The following LEPR variants were observed in gnomAD, a reference collection of about 807,000 sequenced individuals.
LEPR encodes leptin receptor, also known as OB receptor.
Under a neutral mutation model 114.7 loss-of-function variants are expected in LEPR, and 56 were observed. The ratio of observed to expected loss-of-function variants is 0.49; its 90% CI spans 0.39 to 0.61. LEPR has a LOEUF of 0.61. LEPR is among the 20% of genes least tolerant of loss of function. The pLI is 0.00. For synonymous variants in LEPR, 443 were observed against 461.4 expected (o/e 0.96, Z 0.51); for missense variants, 1,202 against 1,352.9 (o/e 0.89, Z 1.75).
At chr1:65,602,519 C>T (rs1016584610) in intron 10 of LEPR, among the ~76,000 whole-genome samples, 8 of 151,978 alleles carry the variant, frequency 5.3e-5, no homozygotes, top group East Asian at 1.9e-4. Flanking sequence ...TTCAAGGCAT[C>T]GTCTTATAGT....
chr1:65,431,960 C>T lies in LEPR; in HGVS notation c.-21+6582C>T, dbSNP rs1024100528. On this transcript the variant is annotated intron_variant, in intron 2 of 19. Coordinates refer to ENST00000349533, the MANE Select transcript of LEPR (RefSeq NM_002303.6). ...ACAGTGCATTGAATTTCTTAGAACTCATACTATCTGTATACATGTGCACAT... is the reference window on the plus strand; with the variant it reads ...ACAGTGCATTGAATTTCTTAGAACTTATACTATCTGTATACATGTGCACAT... The T allele has an allele frequency of 3.7e-6, 6 of 1,600,828 alleles. No homozygotes were observed. In the African/African-American group the frequency reaches 8.1e-5, roughly 22 times the overall value.
intron 2 of LEPR, among the ~76,000 whole-genome samples, chr1:65,520,201 C>T (rs970885949): frequency 6.6e-6 from 1 of 152,088 alleles, no homozygotes; most frequent in East Asian, 1.9e-4. Flanking sequence ...TGCTATGATG[C>T]CCAGGCTGGT....
chr1:65,496,397 A>G (rs59968405), intron 2 of LEPR, among the ~76,000 whole-genome samples: 7,207 of 152,102 alleles, frequency 0.047, 552 homozygotes, highest in African/African-American at 0.16. Flanking sequence ...AGTTGGCGAA[A>G]CCCTGTCTCT....
chr1:65,451,560 T>G (rs1646785702), intron 2 of LEPR, among the ~76,000 whole-genome samples: 1 of 152,204 alleles, frequency 6.6e-6, no homozygotes, highest in Admixed American at 6.5e-5. Context: ...CTTGTTTTTC[T>G]CAGGTTTGTC....
intron 19 of LEPR, among the ~76,000 whole-genome samples, chr1:65,629,679 CTT>C (rs933516190): frequency 9.4e-5 from 14 of 149,158 alleles, no homozygotes; most frequent in Non-Finnish European, 1.6e-4. Context: ...CCCTCCCTCT[CTT>C]TCTTTCTTTT....
Position 65,425,317 on chromosome 1 carries a change from T to C in LEPR, c.-82T>C. On this transcript the variant is annotated 5_prime_UTR_variant, in exon 2 of 20. Coordinates refer to ENST00000349533, the MANE Select transcript of LEPR (RefSeq NM_002303.6). ...ATTTTTCACAGCTCTCGTGGCATTA[T>C]CCTTCAGTGGGGCTATTGGACTGAC... is the stretch of plus-strand genomic sequence containing the variant. The C allele has an allele frequency of 4.3e-6, 7 of 1,612,098 alleles. No individual in the cohort carries two copies. The highest frequency in any genetic ancestry group is 5.1e-6 in the Non-Finnish European group (6 of 1,179,498).
intron 2 of LEPR, among the ~76,000 whole-genome samples, chr1:65,444,306 C>G (rs1398090273): frequency 6.6e-6 from 1 of 152,154 alleles, no homozygotes; most frequent in Non-Finnish European, 1.5e-5. Context: ...CATCACAAGA[C>G]AGCCTTTGCT....
intron 2 of LEPR, among the ~76,000 whole-genome samples, chr1:65,485,663 A>G (rs1046452702): frequency 1.3e-5 from 2 of 152,094 alleles, no homozygotes; most frequent in Admixed American, 1.3e-4. Flanking sequence ...GTCTGCTACA[A>G]GTTGTGCCAT....
At chr1:65,584,266 T>G (rs1406324583) in intron 5 of LEPR, among the ~76,000 whole-genome samples, 1 of 152,076 alleles carries the variant, frequency 6.6e-6, no homozygotes, top group African/African-American at 2.4e-5. Context: ...ATCGTTCCTT[T>G]TGTTGAAGAA....
intron 18 of LEPR, among the ~76,000 whole-genome samples, 161 bp downstream of exon 18, chr1:65,621,619 A>G (rs569137219): frequency 1.3e-5 from 2 of 152,324 alleles, no homozygotes; most frequent in South Asian, 4.1e-4. Context: ...GCCTGTTGTG[A>G]GGAAATGGCA....
chr1:65,567,737 A>AT (rs1405129792), intron 3 of LEPR, among the ~76,000 whole-genome samples: 4 of 152,186 alleles, frequency 2.6e-5, no homozygotes, highest in Non-Finnish European at 5.9e-5. Flanking sequence ...ATTTTCTTAC[A>AT]TTTTTAAAAA....
At chr1:65,627,328 CATTTCT>C (rs1658278638) in intron 19 of LEPR, among the ~76,000 whole-genome samples, 1 of 152,134 alleles carries the variant, frequency 6.6e-6, no homozygotes, top group African/African-American at 2.4e-5. Flanking sequence ...TGTGAATAGG[CATTTCT>C]CCAAAGAAGA....
chr1:65,520,820 G>T (rs1649596068), intron 2 of LEPR, among the ~76,000 whole-genome samples: 1 of 152,236 alleles, frequency 6.6e-6, no homozygotes. Context: ...TGAAGTAAAG[G>T]GATGGGTTGG....
rs775110296 is a variant in LEPR at position 65,540,199 on chromosome 1, AG to A, written c.-20-25345del. On this transcript the variant is annotated intron_variant, in intron 2 of 19. Transcript: ENST00000349533. ...TGCCCTTATCATTTAGAACATCTGC[AG>A]GTTTGTTTTCTCATTGTTGACAGCC... Among the ~76,000 whole-genome samples the A allele has an allele frequency of 4.6e-5, 7 of 152,128 alleles. No individual in the cohort carries two copies. The East Asian group carries it at 1.3e-3, about 29-fold the overall frequency.
chr1:65,427,308 T>C (rs1646397756), intron 2 of LEPR, among the ~76,000 whole-genome samples: 2 of 152,188 alleles, frequency 1.3e-5, no homozygotes, highest in South Asian at 4.1e-4. Context: ...CCGTGGTGGC[T>C]CATGCCTATA....
chr1:65,618,322 TCTC>T (rs1028666938), intron 16 of LEPR, among the ~76,000 whole-genome samples, 176 bp downstream of exon 16: 1 of 151,742 alleles, frequency 6.6e-6, no homozygotes, highest in African/African-American at 2.4e-5. Context: ...CCTCTTCTCT[TCTC>T]TTCTCTTTTC....
chr1:65,468,908 A>G (rs61779782), intron 2 of LEPR, among the ~76,000 whole-genome samples: 45,045 of 152,192 alleles, frequency 0.3, 8,533 homozygotes, highest in Non-Finnish European at 0.42. Context: ...CTCAAATAGC[A>G]GAACAGCTGC....
intron 2 of LEPR, among the ~76,000 whole-genome samples, chr1:65,521,268 G>C (rs1383436052): frequency 6.6e-6 from 1 of 152,186 alleles, no homozygotes; most frequent in Non-Finnish European, 1.5e-5. Flanking sequence ...ATGAGCGCTG[G>C]CAGTGAGCTG....
intron 4 of LEPR, 101 bp from the exon 5 acceptor site, chr1:65,572,225 T>C: frequency 7.2e-7 from 1 of 1,385,134 alleles, no homozygotes; most frequent in Non-Finnish European, 9.6e-7. Flanking sequence ...AGAACACTGG[T>C]AAATTTGATT....
Sources: allele counts gnomAD v4.1 joint callset (sites outside exome capture counted in the v4.1 genomes callset), GRCh38; gene constraint gnomAD v4.1.1; transcripts MANE v1.5; gene names NCBI Gene and HGNC (gene_info 2026-07-23, HGNC 2026-07-21).